Variants in ACSM5 observed in about 807,000 individuals in gnomAD.
The protein encoded by ACSM5 is acyl-CoA synthetase medium chain family member 5, also known as acyl-coenzyme A synthetase ACSM5, mitochondrial.
ACSM5 carries 56 observed loss-of-function variants against 71.6 expected under a neutral mutation model. The ratio of observed to expected loss-of-function variants is 0.78; its 90% CI spans 0.63 to 0.98. The LOEUF is 0.98. ACSM5 is among the 50% of genes least tolerant of loss of function. The pLI, the probability that ACSM5 is intolerant of heterozygous loss-of-function variation, is 0.00. For synonymous variants in ACSM5, 285 were observed against 281.5 expected (o/e 1.01, Z -0.12); for missense variants, 723 against 726.0 (o/e 1.00, Z 0.05).
chr16:20,416,060 A>G (rs1966855808), intron 2 of ACSM5, among the ~76,000 whole-genome samples: 1 of 152,182 alleles, frequency 6.6e-6, no homozygotes, highest in African/African-American at 2.4e-5. Flanking sequence ...AAAATGACAA[A>G]ACATTACTGA....
At chr16:20,427,240 C>T (rs1187242454) in intron 6 of ACSM5, among the ~76,000 whole-genome samples, 2 of 152,082 alleles carry the variant, frequency 1.3e-5, no homozygotes, top group Non-Finnish European at 2.9e-5. Flanking sequence ...GCAGAGGTTG[C>T]AGTGAGCTGA....
chr16:20,438,811 C>G (rs139253161), intron 12 of ACSM5, among the ~76,000 whole-genome samples: 2 of 150,984 alleles, frequency 1.3e-5, no homozygotes, highest in East Asian at 4.0e-4. Flanking sequence ...AAAAATTAGC[C>G]AGGCGTGGCG....
intron 4 of ACSM5, 80 bp downstream of exon 4, chr16:20,419,515 T>C (rs972224593): frequency 3.5e-5 from 48 of 1,381,302 alleles, no homozygotes; most frequent in Non-Finnish European, 4.8e-5. Flanking sequence ...GCATTGCTGA[T>C]TCCACACATA....
Position 20,418,070 on chromosome 16 carries a change from C to T in ACSM5, c.216C>T (p.Arg72=), listed in dbSNP as rs2141643536. 1.2e-6 allele frequency: 2 copies of T among 1,613,474 alleles called. No homozygotes were observed. Among genetic ancestry groups the T allele is most frequent in the Non-Finnish European group, 8.5e-7 (1 of 1,179,816 alleles). The change falls in exon 3 of 14, where the codon CGC becomes CGT. Residue 72 remains arginine (R), a synonymous_variant. Transcript: ENST00000331849. ...VWSRLEEAGH[R]PPNPAFWWVN... is the part of the protein sequence containing the mutation. The stretch of plus-strand genomic sequence containing the variant: ...GTACCACCATCTAGGCTGGACACCG[C>T]CCCCCAAATCCTGCCTTCTGGTGGG...
At chr16:20,428,238 C>G (rs147407378) in intron 7 of ACSM5, among the ~76,000 whole-genome samples, 3 of 152,172 alleles carry the variant, frequency 2.0e-5, no homozygotes, top group East Asian at 1.9e-4. Context: ...TTCTGTGAGG[C>G]GAGAGAAATG....
At chr16:20,414,684 A>G (rs895597420) in intron 2 of ACSM5, among the ~76,000 whole-genome samples, 5 of 152,236 alleles carry the variant, frequency 3.3e-5, no homozygotes, top group African/African-American at 1.2e-4. Flanking sequence ...GAGCTGTAAT[A>G]AATACCAAAG....
At chr16:20,411,023 T>A (rs1366974289) in intron 1 of ACSM5, among the ~76,000 whole-genome samples, 3 of 152,230 alleles carry the variant, frequency 2.0e-5, no homozygotes, top group Non-Finnish European at 2.9e-5. Flanking sequence ...AAATAAAATG[T>A]TTTATTATAA....
Position 20,437,044 on chromosome 16 carries a change from T to A in ACSM5, c.1309-8T>A. The A allele has an allele frequency of 6.2e-7, 1 of 1,614,114 alleles. No individual in the cohort carries two copies. The highest frequency in any genetic ancestry group is 8.5e-7 in the Non-Finnish European group (1 of 1,180,004). ...GAGGGTCCTTCACGGGTTGTCTTTG[T>A]CTTTCAGGACAATCCTGAGAAGACA... is the stretch of plus-strand genomic sequence containing the variant. On this transcript the variant is annotated splice_region_variant and splice_polypyrimidine_tract_variant and intron_variant, in intron 10 of 13. Transcript: ENST00000331849.
At chr16:20,416,014 T>G (rs1432675691) in intron 2 of ACSM5, among the ~76,000 whole-genome samples, 1 of 151,936 alleles carries the variant, frequency 6.6e-6, no homozygotes, top group Non-Finnish European at 1.5e-5. Context: ...TACATATAAA[T>G]AAATTTAACC....
At chr16:20,429,315 T>TCTTTTCAATTTCTAATTCATCTATC (rs1397284372) in intron 7 of ACSM5, among the ~76,000 whole-genome samples, 6 of 152,046 alleles carry the variant, frequency 3.9e-5, no homozygotes, top group Non-Finnish European at 8.8e-5. Flanking sequence ...GCCTGGCCTA[T>TCTTTTCAATTTCTAATTCATCTATC]CTTTTCAATT....
intron 8 of ACSM5, among the ~76,000 whole-genome samples, chr16:20,430,782 G>GGAAA (rs1490990452): frequency 7.9e-6 from 1 of 126,600 alleles, no homozygotes; most frequent in South Asian, 3.0e-4. Flanking sequence ...AAAGAGGAAA[G>GGAAA]GAAGGAGTGA....
In ACSM5 at chr16:20,416,246, A is replaced by G. The variant is rs1011437051; in HGVS notation, c.205-1813A>G. On this transcript the variant is annotated intron_variant, in intron 2 of 13. Transcript: ENST00000331849. ...TAGACAACCTGATTCAAAAACTCGT[A>G]TGGAAATGCAAGGGACCCACAGGGA... 7.9e-5 allele frequency among the ~76,000 whole-genome samples: 12 copies of G among 151,386 alleles called. 1 individual carries two copies. Among genetic ancestry groups the G allele is most frequent in the African/African-American group, 2.9e-4 (12 of 41,266 alleles).
chr16:20,412,024 C>T, intron 2 of ACSM5: 1 of 326,090 alleles, frequency 3.1e-6, no homozygotes, highest in Non-Finnish European at 5.9e-6. Flanking sequence ...TGATGTTTTT[C>T]TCTCACTGTC....
intron 10 of ACSM5, among the ~76,000 whole-genome samples, chr16:20,435,413 G>T (rs1168250191): frequency 6.6e-6 from 1 of 152,174 alleles, no homozygotes; most frequent in African/African-American, 2.4e-5. Flanking sequence ...ACATCTCAGA[G>T]ATTTTGTGTT....
rs764597072 is a variant in ACSM5 at position 20,411,473 on chromosome 16, G to A, written c.-12G>A. On this transcript the variant is annotated 5_prime_UTR_variant, in exon 2 of 14. Transcript: ENST00000331849. Reference sequence around the variant, plus strand: ...TCTTTCCTCTCTTTGGTGACAGACAGGAGGCGACTGCATGAGACCATGGCT... The same window carrying A: ...TCTTTCCTCTCTTTGGTGACAGACAAGAGGCGACTGCATGAGACCATGGCT... 2 of 1,613,504 alleles carry A rather than the reference G, an allele frequency of 1.2e-6. No individual in the cohort carries two copies. The highest frequency in any genetic ancestry group is 1.1e-5 in the South Asian group (1 of 90,956).
At chr16:20,432,651 G>A (rs1291713101) in intron 10 of ACSM5, among the ~76,000 whole-genome samples, 1 of 151,968 alleles carries the variant, frequency 6.6e-6, no homozygotes, top group African/African-American at 2.4e-5. Flanking sequence ...GCTCGGTGTG[G>A]AGCAGGACTC....
intron 6 of ACSM5, among the ~76,000 whole-genome samples, chr16:20,426,768 A>C (rs1206260554): frequency 6.6e-6 from 1 of 152,162 alleles, no homozygotes; most frequent in Admixed American, 6.5e-5. Flanking sequence ...GATTAATGGG[A>C]AATTATTGTG....
chr16:20,422,960 A>G (rs901095084), intron 5 of ACSM5, among the ~76,000 whole-genome samples: 1 of 152,198 alleles, frequency 6.6e-6, no homozygotes, highest in African/African-American at 2.4e-5. Flanking sequence ...CAGTTTGTTT[A>G]TGGAGTTGTC....
At position 20,419,313 on chromosome 16, in the gene ACSM5, C is replaced by G; in HGVS notation, c.501C>G (p.Ile167Met). 6.2e-7 allele frequency: 1 copy of G among 1,614,140 alleles called. No homozygotes were observed. The highest frequency in any genetic ancestry group is 1.1e-5 in the South Asian group (1 of 91,076). ...AGGCGTCCAGGGCCAAGTCCATTATCACCAGTGACTCCCTAGCTCCAAGGG... is the reference window on the plus strand; with the variant it reads ...AGGCGTCCAGGGCCAAGTCCATTATGACCAGTGACTCCCTAGCTCCAAGGG... ...RLQASRAKSI[I>M]TSDSLAPRVD... The change falls in exon 4 of 14, where the codon ATC becomes ATG. Residue 167 changes from isoleucine (I) to methionine (M), a missense_variant. Physicochemically the swap from Ile to Met is conservative, Grantham distance 10. Coordinates refer to ENST00000331849, the MANE Select transcript of ACSM5 (RefSeq NM_017888.3).
Sources: gnomAD v4.1 joint callset for allele counts (sites outside exome capture counted in the v4.1 genomes callset) on GRCh38, gnomAD v4.1.1 for gene constraint, MANE v1.5 for transcripts, NCBI Gene and HGNC (gene_info 2026-07-23, HGNC 2026-07-21) for gene names.